Variants in FANCL observed in about 807,000 individuals in gnomAD.
FANCL encodes the protein E3 ubiquitin-protein ligase FANCL.
In FANCL, 69 loss-of-function variants were observed where a neutral mutation model predicts 59.4. That is an observed-to-expected ratio of 1.16 (90% CI 0.96 to 1.42). The LOEUF is 1.42. FANCL is among the 40% of genes most tolerant of loss of function. The probability of loss-of-function intolerance (pLI) is 0.00; values close to 1 mark genes in which losing one functional copy is unlikely to be tolerated. For missense variants in FANCL, 519 were observed against 447.2 expected (o/e 1.16, Z -1.45); for synonymous variants, 180 against 147.1 (o/e 1.22, Z -1.62).
chr2:58,226,312 A>C (rs1431410805), intron 4 of FANCL, among the ~76,000 whole-genome samples: 1 of 152,210 alleles, frequency 6.6e-6, no homozygotes, highest in East Asian at 1.9e-4. Flanking sequence ...TAAACAGTAC[A>C]TATGTAACAG....
At chr2:58,181,327 A>G (rs1687921364) in intron 7 of FANCL, among the ~76,000 whole-genome samples, 1 of 152,068 alleles carries the variant, frequency 6.6e-6, no homozygotes, top group Admixed American at 6.6e-5. Flanking sequence ...GCCTCTGTTT[A>G]TAATATCTGG....
chr2:58,174,268 C>A (rs1371957960), intron 7 of FANCL, among the ~76,000 whole-genome samples: 1 of 152,178 alleles, frequency 6.6e-6, no homozygotes, highest in Non-Finnish European at 1.5e-5. Context: ...GAATTGAACT[C>A]AGCTCTGCAC....
intron 1 of FANCL, among the ~76,000 whole-genome samples, chr2:58,238,452 G>A (rs1024452629): frequency 3.3e-5 from 5 of 152,162 alleles, no homozygotes; most frequent in Admixed American, 3.3e-4. Context: ...CCAACATAGA[G>A]AGCATCATTA....
In FANCL at chr2:58,161,516, T is replaced by G. The variant is rs781429494; in HGVS notation, c.1020+6A>C. 39 of 1,547,042 alleles carry G rather than the reference T, an allele frequency of 2.5e-5. No homozygotes were observed. Among genetic ancestry groups the G allele is most frequent in the Non-Finnish European group, 3.3e-5 (37 of 1,119,478 alleles). On this transcript the variant is annotated splice_donor_region_variant and intron_variant, in intron 12 of 13. Coordinates refer to ENST00000233741, the MANE Select transcript of FANCL (RefSeq NM_018062.4). ...AAAAAGTCTTGACAATATTTTTATT[T>G]TTTACCTCATATAAGCATATTTGAT...
intron 7 of FANCL, among the ~76,000 whole-genome samples, chr2:58,189,967 T>C (rs1688767513): frequency 6.6e-6 from 1 of 151,954 alleles, no homozygotes; most frequent in South Asian, 2.1e-4. Flanking sequence ...AAAGTATAAA[T>C]AGAATAAGAG....
chr2:58,224,127 A>G (rs562551159), intron 4 of FANCL, among the ~76,000 whole-genome samples: 5 of 151,968 alleles, frequency 3.3e-5, no homozygotes, highest in South Asian at 4.1e-4. Context: ...TTTTAAACTA[A>G]TAAGTGTTTC....
At chr2:58,163,156 T>A in intron 9 of FANCL, 82 bp from the exon 10 acceptor site, 1 of 1,213,062 alleles carries the variant, frequency 8.2e-7, no homozygotes, top group Non-Finnish European at 1.2e-6. Context: ...GAATGTTTCT[T>A]AACTACTTGA....
intron 8 of FANCL, among the ~76,000 whole-genome samples, chr2:58,163,922 C>A (rs1177948186): frequency 1.3e-5 from 2 of 151,636 alleles, no homozygotes; most frequent in African/African-American, 4.8e-5. Flanking sequence ...AGAACTATGG[C>A]CAAATGTAAA....
intron 5 of FANCL, among the ~76,000 whole-genome samples, chr2:58,221,099 G>A (rs374655920): frequency 0.011 from 1,599 of 152,082 alleles, 28 homozygotes; most frequent in African/African-American, 0.036. Flanking sequence ...TGTAGTCCCA[G>A]CTACTCGGGA....
At chr2:58,232,143 AT>A in intron 1 of FANCL, 31 bp from the exon 2 acceptor site, 1 of 1,566,178 alleles carries the variant, frequency 6.4e-7, no homozygotes, top group Non-Finnish European at 8.8e-7. Flanking sequence ...GATCACTCAA[AT>A]TTTTATCTTT....
intron 7 of FANCL, among the ~76,000 whole-genome samples, chr2:58,167,551 T>C (rs973018778): frequency 1.3e-5 from 2 of 152,244 alleles, no homozygotes; most frequent in Non-Finnish European, 2.9e-5. Context: ...TTGAAGTTTT[T>C]TCCAATGGCA....
At chr2:58,210,721 A>C (rs1189933180) in intron 5 of FANCL, among the ~76,000 whole-genome samples, 1 of 152,220 alleles carries the variant, frequency 6.6e-6, no homozygotes, top group Non-Finnish European at 1.5e-5. Flanking sequence ...CGATAAATAC[A>C]GCCATTCCAA....
At chr2:58,241,376 C>T, upstream of FANCL, 1 of 1,529,476 alleles carries the variant, frequency 6.5e-7, no homozygotes, top group African/African-American at 1.4e-5. Context: ...CATGCGCAGT[C>T]CGCTGGCGCT....
At chr2:58,178,878 G>A (rs944763329) in intron 7 of FANCL, among the ~76,000 whole-genome samples, 6 of 152,158 alleles carry the variant, frequency 3.9e-5, no homozygotes, top group Admixed American at 3.9e-4. Flanking sequence ...AGCAACATCA[G>A]CAAGGTCTCA....
rs368003896 is a variant in FANCL, at chr2:58,173,304, CGAGAA to C, written c.541-7435_541-7431del. On this transcript the variant is annotated intron_variant, in intron 7 of 13. Coordinates refer to ENST00000233741, the MANE Select transcript of FANCL (RefSeq NM_018062.4). ...ACAGAGAATGCCACAAAGATACTCT[CGAGAA>C]GAGCAACTCCAAGACACATAATTGT... Among the ~76,000 whole-genome samples the C allele has an allele frequency of 5.5e-4, 84 of 152,198 alleles. No individual in the cohort carries two copies. In the South Asian group the frequency reaches 0.012, roughly 21 times the overall value.
At chr2:58,207,597 C>T (rs1573713731) in intron 5 of FANCL, among the ~76,000 whole-genome samples, 1 of 152,252 alleles carries the variant, frequency 6.6e-6, no homozygotes, top group East Asian at 1.9e-4. Flanking sequence ...TGAGGATTTA[C>T]ATTTCTCTTT....
At chr2:58,185,210 C>T (rs1011290224) in intron 7 of FANCL, among the ~76,000 whole-genome samples, 2 of 152,128 alleles carry the variant, frequency 1.3e-5, no homozygotes, top group African/African-American at 4.8e-5. Context: ...TAGACATCTC[C>T]ACATCATTTG....
chr2:58,179,235 T>C (rs1687676015), intron 7 of FANCL, among the ~76,000 whole-genome samples: 1 of 151,980 alleles, frequency 6.6e-6, no homozygotes, highest in Admixed American at 6.6e-5. Flanking sequence ...AAAAACTACT[T>C]TACATTTCAT....
Position 58,198,569 on chromosome 2 carries a change from AAGAATTTACCTGAGG to A in FANCL, c.540+10_540+24del, listed in dbSNP as rs770182004. On this transcript the variant is annotated intron_variant, in intron 7 of 13. Coordinates refer to ENST00000233741, the MANE Select transcript of FANCL (RefSeq NM_018062.4). ...CTTTTTAATTACTTAAAACAAATTT[AAGAATTTACCTGAGG>A]AGAATTTACCTGAGGTGTCCAGGAG... 1.6e-5 allele frequency: 25 copies of A among 1,597,204 alleles called. No individual in the cohort carries two copies. Among genetic ancestry groups the A allele is most frequent in the South Asian group, 1.4e-4 (13 of 90,558 alleles).
Sources: gnomAD v4.1 joint callset for allele counts (sites outside exome capture counted in the v4.1 genomes callset) on GRCh38, gnomAD v4.1.1 for gene constraint, MANE v1.5 for transcripts, NCBI Gene and HGNC (gene_info 2026-07-23, HGNC 2026-07-21) for gene names.